Variants in RNF130 observed in about 807,000 individuals in gnomAD.
RNF130 encodes the protein ring finger protein 130, also known as E3 ubiquitin-protein ligase RNF130.
A neutral mutation model predicts 44.6 loss-of-function variants in RNF130; 21 were observed. The ratio of observed to expected loss-of-function variants is 0.47; its 90% CI spans 0.33 to 0.68. RNF130 has a LOEUF of 0.68. Ranked by LOEUF, RNF130 falls within the 30% of genes least tolerant of loss-of-function variation. The probability of loss-of-function intolerance (pLI) is 0.02; values close to 1 mark genes in which losing one functional copy is unlikely to be tolerated. For missense variants in RNF130, 479 were observed against 560.6 expected, an observed-to-expected ratio of 0.85 and a Z score of 1.47; for synonymous variants, 214 against 210.4, an observed-to-expected ratio of 1.02 and a Z score of -0.15.
intron 3 of RNF130, among the ~76,000 whole-genome samples, chr5:179,990,170 C>T (rs57008562): frequency 2.0e-5 from 3 of 151,958 alleles, no homozygotes; most frequent in African/African-American, 7.3e-5. Context: ...GTAGTGGCCC[C>T]GAATGCCTGG....
chr5:179,968,078 G>A (rs968844503), intron 6 of RNF130, among the ~76,000 whole-genome samples: 3 of 148,062 alleles, frequency 2.0e-5, no homozygotes, highest in Non-Finnish European at 3.0e-5. Flanking sequence ...GGCAGATCAC[G>A]AGGTCAGGAG....
At chr5:180,014,164 A>C (rs1233119614) in intron 2 of RNF130, among the ~76,000 whole-genome samples, 1 of 152,252 alleles carries the variant, frequency 6.6e-6, no homozygotes, top group Non-Finnish European at 1.5e-5. Context: ...GACAGTCTTA[A>C]GTTGCCTTAT....
At chr5:179,943,286 T>C (rs1398748076) in intron 7 of RNF130, among the ~76,000 whole-genome samples, 2 of 152,146 alleles carry the variant, frequency 1.3e-5, no homozygotes, top group Non-Finnish European at 1.5e-5. Flanking sequence ...GGGATTTTGT[T>C]GGGGAATGTG....
chr5:179,938,191 C>G (rs1257979554), intron 7 of RNF130, among the ~76,000 whole-genome samples: 1 of 152,082 alleles, frequency 6.6e-6, no homozygotes, highest in Non-Finnish European at 1.5e-5. Context: ...CTCCTGTGCT[C>G]AAGCAATCCA....
intron 2 of RNF130, among the ~76,000 whole-genome samples, chr5:180,013,540 G>A (rs991140969): frequency 2.0e-5 from 3 of 152,228 alleles, no homozygotes; most frequent in Admixed American, 6.5e-5. Context: ...GGCATAGAAC[G>A]ACTGCAGTGT....
chr5:179,950,665 G>A (rs1257871236), downstream of RNF130, among the ~76,000 whole-genome samples: 5 of 152,238 alleles, frequency 3.3e-5, no homozygotes, highest in Admixed American at 2.0e-4. Flanking sequence ...CACTCATTTC[G>A]CTTCTTAGCT....
chr5:180,020,223 G>C, intron 2 of RNF130, among the ~76,000 whole-genome samples: 1 of 152,194 alleles, frequency 6.6e-6, no homozygotes, highest in East Asian at 1.9e-4. Context: ...GGAATTTTCG[G>C]TTAGGTGTTC....
chr5:180,008,196 A>G (rs1033713245), intron 3 of RNF130, among the ~76,000 whole-genome samples: 4 of 151,922 alleles, frequency 2.6e-5, no homozygotes, highest in Non-Finnish European at 5.9e-5. Context: ...ACCCCAGAAA[A>G]AGCCGAGAAA....
At chr5:180,013,668 A>G (rs1410463515) in intron 2 of RNF130, among the ~76,000 whole-genome samples, 3 of 152,252 alleles carry the variant, frequency 2.0e-5, no homozygotes, top group Non-Finnish European at 4.4e-5. Context: ...TATCAACATC[A>G]TGGTAGATTT....
intron 8 of RNF130, among the ~76,000 whole-genome samples, chr5:179,961,376 G>C (rs1256748147): frequency 6.6e-6 from 1 of 152,176 alleles, no homozygotes; most frequent in Non-Finnish European, 1.5e-5. Flanking sequence ...CTGCTAATGG[G>C]AGAAGGGTTG....
At chr5:179,993,099 C>A (rs1369678184) in intron 3 of RNF130, among the ~76,000 whole-genome samples, 1 of 152,212 alleles carries the variant, frequency 6.6e-6, no homozygotes, top group Non-Finnish European at 1.5e-5. Flanking sequence ...GTATATGTGC[C>A]ACATTTTCTT....
At chr5:180,058,168 G>A (rs927699219) in intron 1 of RNF130, among the ~76,000 whole-genome samples, 1 of 152,144 alleles carries the variant, frequency 6.6e-6, no homozygotes, top group Non-Finnish European at 1.5e-5. Flanking sequence ...GGAAGGAGCC[G>A]TGACTGGAAG....
At chr5:179,992,605 CATAT>C (rs1409163482) in intron 3 of RNF130, among the ~76,000 whole-genome samples, 3 of 152,044 alleles carry the variant, frequency 2.0e-5, no homozygotes, top group African/African-American at 7.2e-5. Context: ...GGGGGGGTGT[CATAT>C]TATCTTTTTC....
At chr5:179,949,278 T>G (rs1287009194) in intron 7 of RNF130, among the ~76,000 whole-genome samples, 1 of 151,938 alleles carries the variant, frequency 6.6e-6, no homozygotes, top group Non-Finnish European at 1.5e-5. Flanking sequence ...TTTTTTTTTT[T>G]TTTTAAGACA....
chr5:179,933,398 T>TTGTGTGTGCGTGTGTGTGTGTG (rs1761839269), intron 7 of RNF130, among the ~76,000 whole-genome samples: 1 of 143,400 alleles, frequency 7.0e-6, no homozygotes, highest in Non-Finnish European at 1.5e-5. Context: ...ATAACCCTAT[T>TTGTGTGTGCGTGTGTGTGTGTG]TGTGTGTGTG....
intron 7 of RNF130, among the ~76,000 whole-genome samples, chr5:179,937,412 A>G (rs777962054): frequency 6.6e-6 from 1 of 152,240 alleles, no homozygotes; most frequent in Non-Finnish European, 1.5e-5. Flanking sequence ...TCTCCAAAGA[A>G]GATGTATGAG....
intron 2 of RNF130, among the ~76,000 whole-genome samples, chr5:180,031,770 G>A (rs1764135563): frequency 6.6e-6 from 1 of 152,174 alleles, no homozygotes; most frequent in Admixed American, 6.5e-5. Context: ...AGATATCTGG[G>A]AGTGGGACTG....
At chr5:180,062,044 TC>T (rs1373548233) in intron 1 of RNF130, among the ~76,000 whole-genome samples, 1 of 146,496 alleles carries the variant, frequency 6.8e-6, no homozygotes, top group African/African-American at 2.5e-5. Flanking sequence ...TGCTTCCCCC[TC>T]CCCCAGCCTC....
At chr5:179,954,207 A>G (rs1225160853), downstream of RNF130, among the ~76,000 whole-genome samples, 2 of 152,228 alleles carry the variant, frequency 1.3e-5, no homozygotes, top group Admixed American at 6.5e-5. Flanking sequence ...GAAGTTAAAC[A>G]TAGAGTTATA....
Sources: allele counts gnomAD v4.1 joint callset (sites outside exome capture counted in the v4.1 genomes callset), GRCh38; gene constraint gnomAD v4.1.1; transcripts MANE v1.5; gene names NCBI Gene and HGNC (gene_info 2026-07-23, HGNC 2026-07-21).